Variants in FRYL observed in about 807,000 individuals in gnomAD.
FRYL encodes the protein FRY like transcription coactivator, also known as protein furry homolog-like.
In FRYL, 150 loss-of-function variants were observed where a neutral mutation model predicts 351.2. That is an observed-to-expected ratio of 0.43 (90% CI 0.37 to 0.49). The LOEUF (loss-of-function observed/expected upper bound fraction) is 0.49, where lower values mean the gene tolerates loss of function less well. Among genes scored for constraint, FRYL ranks in the 20% least tolerant of loss-of-function variants. The pLI, the probability that FRYL is intolerant of heterozygous loss-of-function variation, is 0.00. For synonymous variants in FRYL, 1,153 were observed against 1,257.1 expected (o/e 0.92, Z 1.75); for missense variants, 3,036 against 3,619.3 (o/e 0.84, Z 4.13).
chr4:48,729,962 T>C (rs1770541115), intron 1 of FRYL, among the ~76,000 whole-genome samples: 1 of 152,110 alleles, frequency 6.6e-6, no homozygotes, highest in African/African-American at 2.4e-5. Context: ...TTCTAACCCA[T>C]CGCAAGGAAG....
At chr4:48,773,861 G>A (rs979395422) in intron 1 of FRYL, among the ~76,000 whole-genome samples, 5 of 152,082 alleles carry the variant, frequency 3.3e-5, no homozygotes, top group African/African-American at 1.2e-4. Flanking sequence ...AGGCTACAGT[G>A]GAAACTGTAG....
chr4:48,547,799 A>G, intron 40 of FRYL, 30 bp from the exon 41 acceptor site: 2 of 1,316,160 alleles, frequency 1.5e-6, no homozygotes, highest in African/African-American at 1.5e-5. Flanking sequence ...AACATTATCA[A>G]TAAAGAGAAA....
At chr4:48,576,304 CTTTTT>C in intron 23 of FRYL, 82 bp from the exon 24 acceptor site, 17 of 769,412 alleles carry the variant, frequency 2.2e-5, no homozygotes, top group South Asian at 4.7e-5. Flanking sequence ...TGCTAAATTT[CTTTTT>C]TTTTTTTTTT....
At chr4:48,585,905 C>T (rs1250881965) in intron 19 of FRYL, among the ~76,000 whole-genome samples, 1 of 152,162 alleles carries the variant, frequency 6.6e-6, no homozygotes, top group African/African-American at 2.4e-5. Context: ...CTCTACTGAT[C>T]TATGAACACT....
intron 1 of FRYL, among the ~76,000 whole-genome samples, chr4:48,712,972 C>T (rs1258223344): frequency 1.3e-5 from 2 of 151,940 alleles, no homozygotes; most frequent in Non-Finnish European, 2.9e-5. Flanking sequence ...TCATATCCAG[C>T]CAAACTAAGC....
intron 9 of FRYL, among the ~76,000 whole-genome samples, chr4:48,608,139 T>G (rs1406626691): frequency 6.6e-6 from 1 of 152,162 alleles, no homozygotes; most frequent in Non-Finnish European, 1.5e-5. Context: ...TCAAACCATG[T>G]TCTAAGTTCC....
At chr4:48,747,170 C>CA (rs1553880419) in intron 1 of FRYL, among the ~76,000 whole-genome samples, 11 of 149,862 alleles carry the variant, frequency 7.3e-5, no homozygotes, top group African/African-American at 2.0e-4. Flanking sequence ...TATCCCCCCC[C>CA]AAAAAAAGAT....
chr4:48,534,375 G>A (rs984100984), intron 49 of FRYL, among the ~76,000 whole-genome samples, 170 bp downstream of exon 49: 15 of 152,268 alleles, frequency 9.9e-5, no homozygotes, highest in African/African-American at 3.4e-4. Flanking sequence ...TCTGATTCTG[G>A]TTTTTGTCAC....
At chr4:48,521,740 G>GT (rs1724956553) in intron 54 of FRYL, among the ~76,000 whole-genome samples, 1 of 152,228 alleles carries the variant, frequency 6.6e-6, no homozygotes, top group African/African-American at 2.4e-5. Context: ...TAGACAGTCA[G>GT]TAAGTGGTAA....
rs371056683 is a variant in FRYL, at chr4:48,565,519, C to T, written c.3330+12G>A. 6.7e-5 allele frequency: 103 copies of T among 1,528,394 alleles called. No homozygotes were observed. Among genetic ancestry groups the T allele is most frequent in the Non-Finnish European group, 8.6e-5 (98 of 1,141,064 alleles). 94.7% of individuals were successfully genotyped at this position (1,528,394 alleles called of 1,614,324 possible). A position where few individuals can be genotyped will look rare whatever the true frequency, so the allele number is the denominator to read the frequency against. ...TCTTAAGAAAAAAGAAATCAGGTTT[C>T]TAAGTAAATACCTTTAACGCACAGT... On this transcript the variant is annotated intron_variant, in intron 29 of 63. Coordinates refer to ENST00000358350, the MANE Select transcript of FRYL (RefSeq NM_015030.2).
At chr4:48,591,709 A>G (rs1196783767) in intron 16 of FRYL, among the ~76,000 whole-genome samples, 6 of 152,056 alleles carry the variant, frequency 3.9e-5, no homozygotes, top group Admixed American at 3.9e-4. Flanking sequence ...TCCTATCATC[A>G]TGTATTACCT....
Position 48,580,954 on chromosome 4 carries a change from G to A in FRYL, c.2173-3C>T. ...TCTATGGCTAATTCATCATCACCCTGTAAAAAAGACATCATATGTCTAAAA... is the reference window on the plus strand; with the variant it reads ...TCTATGGCTAATTCATCATCACCCTATAAAAAAGACATCATATGTCTAAAA... On this transcript the variant is annotated splice_region_variant and splice_polypyrimidine_tract_variant and intron_variant, in intron 21 of 63. Transcript: ENST00000358350. 3 of 1,572,602 alleles carry A rather than the reference G, an allele frequency of 1.9e-6. No individual in the cohort carries two copies. The highest frequency in any genetic ancestry group is 1.7e-6 in the Non-Finnish European group (2 of 1,163,658).
At chr4:48,604,947 G>GA (rs1746465223) in intron 11 of FRYL, among the ~76,000 whole-genome samples, 1 of 152,146 alleles carries the variant, frequency 6.6e-6, no homozygotes, top group Non-Finnish European at 1.5e-5. Context: ...AACAAAGGGT[G>GA]AAGTACAAAT....
Position 48,557,698 on chromosome 4 carries a change from T to A in FRYL, c.3880A>T (p.Ile1294Phe). 1 of 1,613,936 alleles carries A rather than the reference T, an allele frequency of 6.2e-7. No individual in the cohort carries two copies. Among genetic ancestry groups the A allele is most frequent in the Non-Finnish European group, 8.5e-7 (1 of 1,179,832 alleles). Residue 1294 changes from isoleucine (I) to phenylalanine (F), a missense_variant, in exon 34 of 64, where the codon ATC (isoleucine) becomes TTC (phenylalanine). Ile to Phe is a conservative substitution (Grantham distance 21). Transcript: ENST00000358350. ...LAIFSEISQRIQTAHPAGRQV... is the reference protein window; with the variant it reads ...LAIFSEISQRFQTAHPAGRQV... ...CGCCCAGCAGGGTGAGCTGTCTGGA[T>A]TCTCTGGCTTATCTCTGAAATTGAA...
chr4:48,663,043 G>A (rs1323554958), intron 3 of FRYL, among the ~76,000 whole-genome samples: 4 of 152,032 alleles, frequency 2.6e-5, no homozygotes, highest in African/African-American at 7.2e-5. Context: ...AATGAAGAAT[G>A]TCAGAAACAG....
chr4:48,727,528 AAGTCTGAG>A (rs956439460), intron 1 of FRYL: 1 of 152,138 alleles, frequency 6.6e-6, no homozygotes, highest in African/African-American at 2.4e-5. Flanking sequence ...CAGTGTAAGA[AAGTCTGAG>A]AGTCAAAAAC....
At position 48,634,448 on chromosome 4, in the gene FRYL, G is replaced by A. The variant is rs1753835319; in HGVS notation, c.-38C>T. ...TTTTCCCCAAGTGGAATGAAAGTTG[G>A]AAGAAGCACAGTATTTATTTACTTT... On this transcript the variant is annotated 5_prime_UTR_variant, in exon 4 of 64. Coordinates refer to ENST00000358350, the MANE Select transcript of FRYL (RefSeq NM_015030.2). 3 of 1,611,922 alleles carry A rather than the reference G, an allele frequency of 1.9e-6. No homozygotes were observed. In the South Asian group the frequency reaches 3.3e-5, roughly 18 times the overall value.
At chr4:48,663,437 T>A (rs1761164043) in intron 3 of FRYL, among the ~76,000 whole-genome samples, 1 of 148,300 alleles carries the variant, frequency 6.7e-6, no homozygotes. Flanking sequence ...GAAAAGCGGG[T>A]GGGGAAAGAA....
intron 58 of FRYL, 133 bp downstream of exon 58, chr4:48,510,702 G>A: frequency 1.4e-6 from 1 of 727,022 alleles, no homozygotes; most frequent in South Asian, 1.6e-5. Flanking sequence ...ATTGTAGTTT[G>A]CCACATATTT....
Sources: allele counts gnomAD v4.1 joint callset (sites outside exome capture counted in the v4.1 genomes callset), GRCh38; gene constraint gnomAD v4.1.1; transcripts MANE v1.5; gene names NCBI Gene and HGNC (gene_info 2026-07-23, HGNC 2026-07-21).